The following CCNY variants were observed in gnomAD, a reference collection of about 807,000 sequenced individuals.
CCNY encodes cyclin Y, also known as cyclin-Y.
In CCNY, 19 loss-of-function variants were observed where a neutral mutation model predicts 42.8. The ratio of observed to expected loss-of-function variants is 0.44; its 90% CI spans 0.31 to 0.65. The LOEUF (loss-of-function observed/expected upper bound fraction) is 0.65. Among genes scored for constraint, CCNY ranks in the 30% least tolerant of loss-of-function variants. The pLI is 0.07. For synonymous variants in CCNY, 165 were observed against 162.7 expected (o/e 1.01, Z -0.11); for missense variants, 370 against 437.3 (o/e 0.85, Z 1.37).
chr10:35,318,445 T>C (rs1320150819), intron 3 of CCNY, among the ~76,000 whole-genome samples: 1 of 152,110 alleles, frequency 6.6e-6, no homozygotes, highest in Non-Finnish European at 1.5e-5. Flanking sequence ...CTCCTATATC[T>C]ACTGAGGAGA....
chr10:35,386,921 A>G (rs1438342167), intron 1 of CCNY, among the ~76,000 whole-genome samples: 2 of 152,190 alleles, frequency 1.3e-5, no homozygotes, highest in Non-Finnish European at 2.9e-5. Context: ...AAAAGCTGGC[A>G]GTGGCCCAAA....
chr10:35,422,267 A>T (rs1460852545), intron 1 of CCNY, among the ~76,000 whole-genome samples: 1 of 152,054 alleles, frequency 6.6e-6, no homozygotes, highest in Non-Finnish European at 1.5e-5. Context: ...GGAATCTTCT[A>T]TGTGGCCTCC....
chr10:35,251,742 C>G (rs2095712213), intron 3 of CCNY, among the ~76,000 whole-genome samples: 1 of 152,038 alleles, frequency 6.6e-6, no homozygotes, highest in South Asian at 2.1e-4. Flanking sequence ...GCATGAGCCA[C>G]CACTCCTGGT....
In CCNY at chr10:35,463,354, G is replaced by A. The variant is rs116707804; in HGVS notation, c.155-20050G>A. 3.4e-3 allele frequency among the ~76,000 whole-genome samples: 513 copies of A among 152,272 alleles called. 4 individuals carry two copies. Among genetic ancestry groups the A allele is most frequent in the African/African-American group, 0.012 (483 of 41,550 alleles). ...GTTCTTGGTTACCCACAGAGTTAAC[G>A]TTCAGAAAGCATCTGTTACCTCAGT... On this transcript the variant is annotated intron_variant, in intron 1 of 9. Coordinates refer to ENST00000374704, the MANE Select transcript of CCNY (RefSeq NM_145012.6).
rs1209614896 is a variant in CCNY at position 35,307,800 on chromosome 10, GTA to G, written c.-9+57192_-9+57193del. 1.8e-3 allele frequency among the ~76,000 whole-genome samples: 81 copies of G among 45,964 alleles called. 1 individual carries two copies. Among genetic ancestry groups the G allele is most frequent in the East Asian group, 0.013 (12 of 900 alleles). 30.2% of individuals were successfully genotyped at this position (45,964 alleles called of 152,430 possible). On this transcript the variant is annotated intron_variant, in intron 3 of 11. Coordinates refer to the CCNY transcript ENST00000374706. ...TGTGTGTGTGTGTGTGTGTGTGTGTGTATATATATATATATATATTTTTTTTT... is the reference window on the plus strand; with the variant it reads ...TGTGTGTGTGTGTGTGTGTGTGTGTGTATATATATATATATATTTTTTTTT...
intron 1 of CCNY, among the ~76,000 whole-genome samples, chr10:35,377,347 A>G (rs1276940994): frequency 3.9e-5 from 6 of 152,078 alleles, no homozygotes; most frequent in South Asian, 4.1e-4. Flanking sequence ...CTTTTATACC[A>G]TATGTTTACT....
At chr10:35,346,027 T>G (rs568055388) in intron 1 of CCNY, among the ~76,000 whole-genome samples, 9 of 152,316 alleles carry the variant, frequency 5.9e-5, no homozygotes, top group African/African-American at 2.2e-4. Flanking sequence ...CCCTTAGGTG[T>G]AAGCTGGAGC....
At chr10:35,485,871 C>T (rs981437638) in intron 2 of CCNY, among the ~76,000 whole-genome samples, 16 of 152,120 alleles carry the variant, frequency 1.1e-4, no homozygotes, top group African/African-American at 3.9e-4. Context: ...CTGAAAGCTC[C>T]TCAGACATCT....
At chr10:35,562,180 C>G (rs1448988481) in intron 8 of CCNY, among the ~76,000 whole-genome samples, 2 of 152,144 alleles carry the variant, frequency 1.3e-5, no homozygotes, top group Non-Finnish European at 2.9e-5. Context: ...CATGTGTAGA[C>G]AAATCCAAAT....
At position 35,316,427 on chromosome 10, in the gene CCNY, A is replaced by G. The variant is rs1053903230; in HGVS notation, c.-9+65801A>G. 6 of 152,238 alleles carry G rather than the reference A, an allele frequency of 3.9e-5. 1 individual carries two copies. Among genetic ancestry groups the G allele is most frequent in the Admixed American group, 3.9e-4 (6 of 15,282 alleles). The allele number at this position is 152,238 out of a possible 1,614,324, so 9.4% of individuals were successfully genotyped here. A position where few individuals can be genotyped will look rare whatever the true frequency, so the allele number is the denominator to read the frequency against. On this transcript the variant is annotated intron_variant, in intron 3 of 11. Transcript: ENST00000374706. ...GGTTATTTCTTTTGGATGAATTCAC[A>G]GAAATGGAAATACAGGATTAACATG...
intron 7 of CCNY, among the ~76,000 whole-genome samples, chr10:35,542,627 C>A (rs958009887): frequency 2.0e-5 from 3 of 152,216 alleles, no homozygotes; most frequent in African/African-American, 7.2e-5. Flanking sequence ...GAGGCCTTGG[C>A]AGGGCCCAGC....
At chr10:35,561,505 A>G (rs894742148) in intron 8 of CCNY, among the ~76,000 whole-genome samples, 5 of 152,160 alleles carry the variant, frequency 3.3e-5, no homozygotes, top group Non-Finnish European at 5.9e-5. Flanking sequence ...AGCTGGTCTC[A>G]GTTTCCTGGC....
At chr10:35,378,853 T>C (rs1325445797) in intron 1 of CCNY, among the ~76,000 whole-genome samples, 2 of 152,228 alleles carry the variant, frequency 1.3e-5, no homozygotes, top group East Asian at 3.9e-4. Context: ...AGGGGTGGAA[T>C]GGGTACCTGT....
chr10:35,399,782 T>A (rs1193763626), intron 1 of CCNY, among the ~76,000 whole-genome samples: 1 of 152,192 alleles, frequency 6.6e-6, no homozygotes, highest in Non-Finnish European at 1.5e-5. Context: ...CCTTAGCAGA[T>A]CCCAGTAATA....
In CCNY at chr10:35,570,696, A is replaced by G. The variant is rs1841669028; in HGVS notation, c.*1526A>G. 1 of 152,340 alleles carries G rather than the reference A, an allele frequency of 6.6e-6. No homozygotes were observed. Among genetic ancestry groups the G allele is most frequent in the South Asian group, 2.1e-4 (1 of 4,828 alleles). The allele number at this position is 152,340 out of a possible 1,614,324, so 9.4% of individuals were successfully genotyped here. A position where few individuals can be genotyped will look rare whatever the true frequency, so the allele number is the denominator to read the frequency against. On this transcript the variant is annotated 3_prime_UTR_variant, in exon 10 of 10. Coordinates refer to ENST00000374704, the MANE Select transcript of CCNY (RefSeq NM_145012.6). ...ACCTTCTTCCCATGTGAGCTTGGAAAACTTTGGCATCTTAATTAGTCTTGA... is the reference window on the plus strand; with the variant it reads ...ACCTTCTTCCCATGTGAGCTTGGAAGACTTTGGCATCTTAATTAGTCTTGA...
At chr10:35,477,749 G>A (rs1046061156) in intron 1 of CCNY, among the ~76,000 whole-genome samples, 19 of 152,148 alleles carry the variant, frequency 1.2e-4, no homozygotes, top group South Asian at 4.2e-4. Context: ...GCCCTCTCTC[G>A]CCACTCCTAT....
At chr10:35,552,464 G>A (rs2135450440) in intron 7 of CCNY, among the ~76,000 whole-genome samples, 1 of 152,322 alleles carries the variant, frequency 6.6e-6, no homozygotes, top group Non-Finnish European at 1.5e-5. Flanking sequence ...AGTGTGTCAG[G>A]TGAATGTGGT....
At chr10:35,455,326 A>C (rs1375362013) in intron 1 of CCNY, 1 of 152,210 alleles carries the variant, frequency 6.6e-6, no homozygotes, top group Non-Finnish European at 1.5e-5. Context: ...AACAACAGAT[A>C]AATGTGGATT....
chr10:35,272,928 CT>C (rs879779131), intron 3 of CCNY, among the ~76,000 whole-genome samples: 267 of 142,506 alleles, frequency 1.9e-3, no homozygotes, highest in Middle Eastern at 3.6e-3. Context: ...TTGCTAGCAC[CT>C]TTTTTTTTTT....
Sources: gnomAD v4.1 joint callset for allele counts (sites outside exome capture counted in the v4.1 genomes callset) on GRCh38, gnomAD v4.1.1 for gene constraint, MANE v1.5 for transcripts, NCBI Gene and HGNC (gene_info 2026-07-23, HGNC 2026-07-21) for gene names.